ADCY10: variants seen among roughly 807,000 people sequenced by gnomAD.
ADCY10 encodes the protein adenylate cyclase type 10.
In ADCY10, 156 loss-of-function variants were observed where a neutral mutation model predicts 183.3. That is an observed-to-expected ratio of 0.85 (90% CI 0.75 to 0.97). ADCY10 has a LOEUF of 0.97. ADCY10 is among the 50% of genes least tolerant of loss of function. The pLI is 0.00. For synonymous variants in ADCY10, 645 were observed against 670.0 expected (o/e 0.96, Z 0.58); for missense variants, 1,745 against 1,934.3 (o/e 0.90, Z 1.84).
chr1:167,868,414 T>A (rs1174367567), intron 14 of ADCY10, among the ~76,000 whole-genome samples: 2 of 152,192 alleles, frequency 1.3e-5, no homozygotes, highest in African/African-American at 4.8e-5. Flanking sequence ...TCCTGTAGGA[T>A]GACTTAGTTG....
In ADCY10 at chr1:167,834,453, C is replaced by T. The variant is rs35164463; in HGVS notation, c.3310-376G>A. 280 of 314,232 alleles carry T rather than the reference C, an allele frequency of 8.9e-4. 1 individual carries two copies. The highest frequency in any genetic ancestry group is 1.3e-3 in the Non-Finnish European group (220 of 163,334). 19.5% of individuals were successfully genotyped at this position (314,232 alleles called of 1,614,324 possible). ...CAACAACACATCCACTTCCCTTGAACAGCATCCCCACATCTGTGAGAAGTT... is the reference window on the plus strand; with the variant it reads ...CAACAACACATCCACTTCCCTTGAATAGCATCCCCACATCTGTGAGAAGTT... On this transcript the variant is annotated intron_variant, in intron 23 of 32. Coordinates refer to ENST00000367851, the MANE Select transcript of ADCY10 (RefSeq NM_018417.6).
intron 18 of ADCY10, 106 bp from the exon 19 acceptor site, chr1:167,848,595 G>A: frequency 3.2e-6 from 4 of 1,240,574 alleles, no homozygotes; most frequent in Non-Finnish European, 4.7e-6. Flanking sequence ...AGACTGGGCA[G>A]AGATGTATAT....
At chr1:167,840,243 A>G (rs1298234394) in intron 21 of ADCY10, among the ~76,000 whole-genome samples, 3 of 150,948 alleles carry the variant, frequency 2.0e-5, no homozygotes, top group Admixed American at 6.6e-5. Flanking sequence ...AAAAAAAAAA[A>G]TGGTAATGGT....
At chr1:167,872,822 A>G (rs1667197675) in intron 13 of ADCY10, among the ~76,000 whole-genome samples, 1 of 150,898 alleles carries the variant, frequency 6.6e-6, no homozygotes, top group Admixed American at 6.7e-5. Flanking sequence ...CTGTAATCCC[A>G]GCACTTTGGG....
In ADCY10 at chr1:167,883,581, C is replaced by A; in HGVS notation, c.876G>T (p.Val292=). 1 of 1,614,234 alleles carries A rather than the reference C, an allele frequency of 6.2e-7. No homozygotes were observed. The highest frequency in any genetic ancestry group is 8.5e-7 in the Non-Finnish European group (1 of 1,180,046). The part of the protein sequence containing the change: ...LQGYLSELRP[V]TIVFVNLMFE... ...ACATCAGGTTCACAAACACAATCGT[C>A]ACTGGGCGAAGCTCAGATAAATAGC... The change falls in exon 9 of 33, where the codon GTG becomes GTT. Residue 292 remains valine, a synonymous_variant. Transcript: ENST00000367851.
chr1:167,862,391 A>T (rs1666350170), intron 14 of ADCY10, among the ~76,000 whole-genome samples: 1 of 152,184 alleles, frequency 6.6e-6, no homozygotes. Flanking sequence ...ATGCCATGTG[A>T]CATGAAGGCA....
At chr1:167,827,934 G>A (rs963308701) in intron 26 of ADCY10, among the ~76,000 whole-genome samples, 1 of 151,102 alleles carries the variant, frequency 6.6e-6, no homozygotes, top group Non-Finnish European at 1.5e-5. Context: ...GGCTAGTCTC[G>A]AACTCCTGAC....
At chr1:167,834,151 A>G in intron 23 of ADCY10, 74 bp from the exon 24 acceptor site, 1 of 1,111,708 alleles carries the variant, frequency 9.0e-7, no homozygotes, top group South Asian at 1.3e-5. Flanking sequence ...ATTGCCCCAG[A>G]CTCTACTGAA....
chr1:167,912,126 A>T (rs1334322191), intron 1 of ADCY10, among the ~76,000 whole-genome samples: 1 of 152,272 alleles, frequency 6.6e-6, no homozygotes. Flanking sequence ...CTACAGGCAC[A>T]TACCACATTG....
At chr1:167,814,433 T>C (rs1662395231) in intron 31 of ADCY10, among the ~76,000 whole-genome samples, 1 of 151,600 alleles carries the variant, frequency 6.6e-6, no homozygotes, top group Admixed American at 6.6e-5. Flanking sequence ...TTATAAACAT[T>C]TGTTTTATAA....
intron 26 of ADCY10, among the ~76,000 whole-genome samples, chr1:167,826,400 A>C (rs1489060308): frequency 6.6e-6 from 1 of 152,218 alleles, no homozygotes; most frequent in Non-Finnish European, 1.5e-5. Flanking sequence ...GGAGTCCTGG[A>C]AACCACCCTC....
chr1:167,864,747 C>T (rs560635229), intron 14 of ADCY10, among the ~76,000 whole-genome samples: 1 of 152,234 alleles, frequency 6.6e-6, no homozygotes, highest in East Asian at 1.9e-4. Flanking sequence ...CTCCGTAACC[C>T]TGTAACACTC....
chr1:167,824,332 A>G, intron 28 of ADCY10, 144 bp downstream of exon 28: 1 of 774,154 alleles, frequency 1.3e-6, no homozygotes, highest in Non-Finnish European at 2.3e-6. Flanking sequence ...GAAAAAAGAA[A>G]AAAGGGTGAC....
At chr1:167,848,695 G>A (rs1313440276) in intron 18 of ADCY10, among the ~76,000 whole-genome samples, 1 of 151,920 alleles carries the variant, frequency 6.6e-6, no homozygotes, top group Non-Finnish European at 1.5e-5. Flanking sequence ...CTGTCGCCCA[G>A]GCTGGAGTGC....
chr1:167,892,677 T>C (rs1668678655), intron 8 of ADCY10, among the ~76,000 whole-genome samples: 1 of 152,088 alleles, frequency 6.6e-6, no homozygotes, highest in Admixed American at 6.6e-5. Flanking sequence ...GTTTTTACAA[T>C]GGGCTGAAGG....
chr1:167,869,122 C>T (rs760802686), intron 14 of ADCY10, among the ~76,000 whole-genome samples: 11 of 152,110 alleles, frequency 7.2e-5, no homozygotes, highest in African/African-American at 2.4e-4. Context: ...CACATATGCC[C>T]GTACGAGTGT....
intron 3 of ADCY10, 56 bp downstream of exon 3, chr1:167,903,831 C>T (rs962824673): frequency 2.6e-5 from 34 of 1,309,298 alleles, no homozygotes; most frequent in African/African-American, 1.7e-4. Flanking sequence ...TTGACAACTA[C>T]GGAAAAAACA....
chr1:167,899,884 C>A lies in ADCY10; in HGVS notation c.437-256G>T, dbSNP rs559914628. Among the ~76,000 whole-genome samples, 3 of 152,320 alleles carry A rather than the reference C, an allele frequency of 2.0e-5. No homozygotes were observed. The South Asian group carries it at 6.2e-4, about 32-fold the overall frequency. On this transcript the variant is annotated intron_variant, in intron 5 of 32. Transcript: ENST00000367851. ...ACATTATCTCACTACATGGTCCTAC[C>A]AGTCCCCAAAGTTATTTTTACCTTT... is the stretch of plus-strand genomic sequence containing the variant.
chr1:167,829,460 G>T lies in ADCY10; in HGVS notation c.3594-37C>A, dbSNP rs200671332. The T allele has an allele frequency of 1.8e-4, 288 of 1,612,986 alleles. No individual in the cohort carries two copies. In the African/African-American group the frequency reaches 3.4e-3, roughly 19 times the overall value. ...GGTAAACACAAATGGAACATGAAAG[G>T]TATCATCATTACCATGATTTAGGGG... On this transcript the variant is annotated intron_variant, in intron 25 of 32. Coordinates refer to ENST00000367851, the MANE Select transcript of ADCY10 (RefSeq NM_018417.6).
Sources: gnomAD v4.1 joint callset for allele counts (sites outside exome capture counted in the v4.1 genomes callset) on GRCh38, gnomAD v4.1.1 for gene constraint, MANE v1.5 for transcripts, NCBI Gene and HGNC (gene_info 2026-07-23, HGNC 2026-07-21) for gene names.